MYO16: variants seen among roughly 807,000 people sequenced by gnomAD.
MYO16 encodes unconventional myosin-XVI.
MYO16 carries 94 observed loss-of-function variants against 205.3 expected under a neutral mutation model. That is an observed-to-expected ratio of 0.46 (90% CI 0.39 to 0.54). MYO16 has a LOEUF of 0.54. Ranked by LOEUF, MYO16 falls within the 20% of genes least tolerant of loss-of-function variation. The pLI is 0.00. For missense variants in MYO16, 2,315 were observed against 2,387.5 expected, an observed-to-expected ratio of 0.97 and a Z score of 0.63; for synonymous variants, 988 against 954.0, an observed-to-expected ratio of 1.04 and a Z score of -0.66.
chr13:108,810,618 A>C (rs1488629755), intron 7 of MYO16, among the ~76,000 whole-genome samples: 4 of 152,166 alleles, frequency 2.6e-5, no homozygotes, highest in Non-Finnish European at 5.9e-5. Flanking sequence ...TATATTTTAG[A>C]AACAGGTTTA....
At chr13:108,891,725 C>T (rs1880183586) in intron 14 of MYO16, among the ~76,000 whole-genome samples, 1 of 152,174 alleles carries the variant, frequency 6.6e-6, no homozygotes, top group African/African-American at 2.4e-5. Context: ...GCATTTCAGT[C>T]ATAATTTTAT....
intron 3 of MYO16, among the ~76,000 whole-genome samples, chr13:108,714,215 C>T (rs1008357701): frequency 6.6e-6 from 1 of 152,118 alleles, no homozygotes; most frequent in African/African-American, 2.4e-5. Context: ...GCCATCACGC[C>T]CAGCGAATTT....
chr13:109,195,116 A>C (rs1409196226), intron 34 of MYO16, among the ~76,000 whole-genome samples: 3 of 151,580 alleles, frequency 2.0e-5, no homozygotes, highest in Non-Finnish European at 4.4e-5. Context: ...AAAGTAAAGA[A>C]TAGTTGTTGA....
At position 108,842,491 on chromosome 13, in the gene MYO16, G is replaced by A. The variant is rs142018890; in HGVS notation, c.1098-1852G>A. 4.3e-3 allele frequency among the ~76,000 whole-genome samples: 658 copies of A among 152,112 alleles called. 6 individuals carry two copies. The highest frequency in any genetic ancestry group is 0.015 in the African/African-American group (632 of 41,504). On this transcript the variant is annotated intron_variant, in intron 9 of 34. Transcript: ENST00000457511. Reference sequence around the variant, plus strand: ...TTTTCCAAAGAAGATATACAATTTTGTCCAACAGGTATATGAAAAGGTACT... The same window carrying A: ...TTTTCCAAAGAAGATATACAATTTTATCCAACAGGTATATGAAAAGGTACT...
At chr13:109,098,633 T>C (rs1206383531) in intron 27 of MYO16, among the ~76,000 whole-genome samples, 2 of 152,178 alleles carry the variant, frequency 1.3e-5, no homozygotes, top group African/African-American at 4.8e-5. Flanking sequence ...TTGCTGAGCA[T>C]ACTTCTCAGA....
the MYO16 span, among the ~76,000 whole-genome samples, chr13:108,549,729 A>G: frequency 1.3e-5 from 2 of 152,078 alleles, no homozygotes; most frequent in Admixed American, 6.5e-5. Flanking sequence ...GAGATGAACA[A>G]CTTTCAGATT....
chr13:108,702,509 T>G (rs1053501551), intron 2 of MYO16, among the ~76,000 whole-genome samples: 1 of 152,144 alleles, frequency 6.6e-6, no homozygotes, highest in Non-Finnish European at 1.5e-5. Context: ...ACTAAGAGAA[T>G]TTTTTACTAA....
intron 20 of MYO16, among the ~76,000 whole-genome samples, chr13:108,987,594 G>T (rs932518550): frequency 1.3e-5 from 2 of 152,228 alleles, no homozygotes; most frequent in Admixed American, 6.5e-5. Context: ...TAGCCTCTAT[G>T]TACGTGCAGC....
At chr13:108,727,934 T>C (rs756496759) in intron 4 of MYO16, among the ~76,000 whole-genome samples, 13 of 152,230 alleles carry the variant, frequency 8.5e-5, no homozygotes, top group Admixed American at 2.0e-4. Context: ...TAAGGAGATA[T>C]GGTTTATATT....
chr13:108,708,623 G>C (rs1391020713), intron 2 of MYO16, among the ~76,000 whole-genome samples: 13 of 152,198 alleles, frequency 8.5e-5, no homozygotes, highest in African/African-American at 3.1e-4. Flanking sequence ...GAGAACGCAG[G>C]TATGCTTAGT....
At chr13:108,698,054 C>T (rs534677840) in intron 2 of MYO16, among the ~76,000 whole-genome samples, 2 of 152,130 alleles carry the variant, frequency 1.3e-5, no homozygotes, top group Non-Finnish European at 2.9e-5. Flanking sequence ...TGCCTTCATT[C>T]CTCCTCTGCA....
chr13:108,685,731 G>A (rs977706190), intron 2 of MYO16, among the ~76,000 whole-genome samples: 26 of 152,142 alleles, frequency 1.7e-4, no homozygotes, highest in African/African-American at 5.8e-4. Flanking sequence ...TAACAGTTCT[G>A]AAGGCAAGAA....
intron 11 of MYO16, among the ~76,000 whole-genome samples, chr13:108,864,014 C>G (rs1878583697): frequency 6.6e-6 from 1 of 152,088 alleles, no homozygotes; most frequent in Admixed American, 6.6e-5. Context: ...TACAATCTGT[C>G]TTGATGTCAT....
chr13:108,598,125 A>C (rs113988779), intron 1 of MYO16, among the ~76,000 whole-genome samples: 1 of 152,208 alleles, frequency 6.6e-6, no homozygotes, highest in African/African-American at 2.4e-5. Flanking sequence ...GCAGAGATCA[A>C]TATCAGCGTT....
the MYO16 span, among the ~76,000 whole-genome samples, chr13:108,545,021 T>G: frequency 1.3e-5 from 2 of 152,220 alleles, no homozygotes; most frequent in African/African-American, 4.8e-5. Context: ...CTTTTTATTT[T>G]AGGTTCAGGG....
At chr13:108,712,586 G>A (rs546182367) in intron 2 of MYO16, 75 bp from the exon 3 acceptor site, 7 of 1,298,910 alleles carry the variant, frequency 5.4e-6, no homozygotes, top group East Asian at 2.3e-5. Context: ...AGATATTAAC[G>A]AAAGCCTACA....
chr13:108,763,788 TGTG>T (rs1216554722), intron 4 of MYO16, among the ~76,000 whole-genome samples: 4 of 13,592 alleles, frequency 2.9e-4, no homozygotes, highest in East Asian at 5.3e-3. Context: ...GAAAAGGAGT[TGTG>T]TGTGTGTGTG....
At chr13:109,182,278 T>C (rs1879489996) in intron 34 of MYO16, among the ~76,000 whole-genome samples, 1 of 152,148 alleles carries the variant, frequency 6.6e-6, no homozygotes. Flanking sequence ...CTCCCCTGCT[T>C]TGACAGCTGG....
chr13:108,759,603 C>G (rs781753967), intron 4 of MYO16, among the ~76,000 whole-genome samples: 1 of 152,020 alleles, frequency 6.6e-6, no homozygotes, highest in East Asian at 1.9e-4. Context: ...GGGCGGATCA[C>G]GAGGTCAGGA....
Sources: allele counts gnomAD v4.1 joint callset (sites outside exome capture counted in the v4.1 genomes callset), GRCh38; gene constraint gnomAD v4.1.1; transcripts MANE v1.5; gene names NCBI Gene and HGNC (gene_info 2026-07-23, HGNC 2026-07-21).